Variants in CEP43 observed in about 807,000 individuals in gnomAD.
The protein encoded by CEP43 is centrosomal protein 43.
A neutral mutation model predicts 52.6 loss-of-function variants in CEP43; 36 were observed. The ratio of observed to expected loss-of-function variants is 0.68; its 90% CI spans 0.52 to 0.90. The LOEUF is 0.90. Among genes scored for constraint, CEP43 ranks in the 40% least tolerant of loss-of-function variants. The probability of loss-of-function intolerance (pLI) is 0.00; values close to 1 mark genes in which losing one functional copy is unlikely to be tolerated. For synonymous variants in CEP43, 192 were observed against 172.4 expected, an observed-to-expected ratio of 1.11 and a Z score of -0.89; for missense variants, 506 against 472.8, an observed-to-expected ratio of 1.07 and a Z score of -0.65.
intron 9 of CEP43, among the ~76,000 whole-genome samples, chr6:167,025,892 A>G (rs1468306600): frequency 6.6e-6 from 1 of 152,268 alleles, no homozygotes; most frequent in Non-Finnish European, 1.5e-5. Flanking sequence ...AGTAAGTGAA[A>G]TAGCAGTTGC....
chr6:167,005,621 A>G (rs1035401804), intron 5 of CEP43, among the ~76,000 whole-genome samples: 4 of 152,222 alleles, frequency 2.6e-5, no homozygotes, highest in Admixed American at 6.5e-5. Flanking sequence ...CCCAGAGCGC[A>G]GGTTGTCACT....
At position 166,999,458 on chromosome 6, in the gene CEP43, C is replaced by T. The variant is rs1176491982; in HGVS notation, c.46C>T (p.Leu16=). 5 of 1,484,726 alleles carry T rather than the reference C, an allele frequency of 3.4e-6. No homozygotes were observed. The East Asian group carries it at 1.2e-4, about 35-fold the overall frequency. 92.0% of individuals were successfully genotyped at this position (1,484,726 alleles called of 1,614,324 possible). ...AAVVAEEDTE[L]RDLLVQTLEN... The stretch of plus-strand genomic sequence containing the variant: ...AGTGGTGGCCGAGGAGGACACGGAG[C>T]TGCGGGACCTGCTGGTGCAGACGCT... The change falls in exon 1 of 13, where the codon CTG becomes TTG. Residue 16 remains leucine, a synonymous_variant. Coordinates refer to ENST00000366847, the MANE Select transcript of CEP43 (RefSeq NM_007045.4).
Position 167,042,158 on chromosome 6 carries a change from A to C in CEP43, c.*2180A>C, listed in dbSNP as rs1195548489. The C allele has an allele frequency of 3.0e-6, 3 of 1,008,832 alleles. No individual in the cohort carries two copies. In the African/African-American group the frequency reaches 5.2e-5, roughly 17 times the overall value. 62.5% of individuals were successfully genotyped at this position (1,008,832 alleles called of 1,614,324 possible). A position where few individuals can be genotyped will look rare whatever the true frequency, so the allele number is the denominator to read the frequency against. ...TATTGAATGATTTTGAATGACTTAA[A>C]GTTCAACTATGAAAAAGCTTTCTTT... On this transcript the variant is annotated 3_prime_UTR_variant, in exon 13 of 13. Transcript: ENST00000366847.
intron 7 of CEP43, among the ~76,000 whole-genome samples, chr6:167,021,972 A>G (rs962348332): frequency 6.6e-6 from 1 of 152,172 alleles, no homozygotes; most frequent in Non-Finnish European, 1.5e-5. Flanking sequence ...CTCCTTTAAT[A>G]ATAATGATCT....
Position 167,007,909 on chromosome 6 carries a change from T to TA in CEP43, c.439-2903dup, listed in dbSNP as rs1486652482. 2.0e-5 allele frequency among the ~76,000 whole-genome samples: 3 copies of TA among 152,232 alleles called. No individual in the cohort carries two copies. The East Asian group carries it at 5.8e-4, about 29-fold the overall frequency. On this transcript the variant is annotated intron_variant, in intron 5 of 12. Transcript: ENST00000366847. ...TCAGCACCTCTACCATGTAGGTCCTTATATCTGTCCAGGATCATTTCTTCC... is the reference window on the plus strand; with the variant it reads ...TCAGCACCTCTACCATGTAGGTCCTTAATATCTGTCCAGGATCATTTCTTCC...
chr6:167,012,697 A>G (rs1401492937), intron 6 of CEP43, among the ~76,000 whole-genome samples: 4 of 152,204 alleles, frequency 2.6e-5, no homozygotes, highest in Non-Finnish European at 2.9e-5. Context: ...TATTCTCCCT[A>G]CATACATTTT....
rs1562537075 is a variant in CEP43, at chr6:167,042,632, C to T, written c.*2654C>T. The T allele has an allele frequency of 6.6e-6, 1 of 152,622 alleles. No homozygotes were observed. 9.5% of individuals were successfully genotyped at this position (152,622 alleles called of 1,614,324 possible). Reference sequence around the variant, plus strand: ...CTGTCTCAAGGTGTGATATTTGCCCCTCCTTGTCTGGAATGTCCTTCCCCT... The same window carrying T: ...CTGTCTCAAGGTGTGATATTTGCCCTTCCTTGTCTGGAATGTCCTTCCCCT... On this transcript the variant is annotated 3_prime_UTR_variant, in exon 13 of 13. Transcript: ENST00000366847.
Position 167,043,375 on chromosome 6 carries a change from CTTTTTTTTTTTTT to C in CEP43, c.*3407_*3419del, listed in dbSNP as rs71032898. 1 of 86,358 alleles carries C rather than the reference CTTTTTTTTTTTTT, an allele frequency of 1.2e-5. No homozygotes were observed. Among genetic ancestry groups the C allele is most frequent in the African/African-American group, 4.8e-5 (1 of 20,694 alleles). The allele number at this position is 86,358 out of a possible 1,614,324, so 5.3% of individuals were successfully genotyped here. ...TCCGTGCTCCCAGTGTCCCTGTCCT[CTTTTTTTTTTTTT>C]TTTTTTTTTGAGGTGGAGTTTTGTT... On this transcript the variant is annotated 3_prime_UTR_variant, in exon 13 of 13. Transcript: ENST00000366847.
chr6:167,045,437 A>G lies in CEP43; in HGVS notation c.*5459A>G, dbSNP rs1391426129. On this transcript the variant is annotated 3_prime_UTR_variant, in exon 13 of 13. Transcript: ENST00000366847. ...TGTACCCAGCCCTGTATTTTCTTTA[A>G]AAACCAATTTTGGGCCGGGCACGGT... 6.7e-6 allele frequency: 1 copy of G among 150,348 alleles called. No individual in the cohort carries two copies. The highest frequency in any genetic ancestry group is 2.4e-5 in the African/African-American group (1 of 41,110). 9.3% of individuals were successfully genotyped at this position (150,348 alleles called of 1,614,324 possible).
At chr6:167,001,372 A>C (rs1054486952) in intron 2 of CEP43, among the ~76,000 whole-genome samples, 3 of 152,192 alleles carry the variant, frequency 2.0e-5, no homozygotes, top group Non-Finnish European at 2.9e-5. Flanking sequence ...TATTAGGAGT[A>C]AACTGTTTTC....
intron 8 of CEP43, among the ~76,000 whole-genome samples, chr6:167,023,142 AACAG>A (rs1489444139): frequency 2.0e-5 from 3 of 152,106 alleles, no homozygotes; most frequent in Non-Finnish European, 2.9e-5. Flanking sequence ...GGGGAGAGGA[AACAG>A]ACAGCAGGGA....
chr6:167,001,429 A>G (rs1456546067), intron 2 of CEP43, among the ~76,000 whole-genome samples: 1 of 151,898 alleles, frequency 6.6e-6, no homozygotes, highest in African/African-American at 2.4e-5. Context: ...TTTTTCCTTC[A>G]CAACCTGGTT....
intron 7 of CEP43, among the ~76,000 whole-genome samples, chr6:167,022,030 G>T (rs929719263): frequency 6.6e-6 from 1 of 152,140 alleles, no homozygotes; most frequent in African/African-American, 2.4e-5. Context: ...AACTTATGAA[G>T]CAATGACATA....
chr6:167,042,315 A>G lies in CEP43; in HGVS notation c.*2337A>G, dbSNP rs1021215367. 2 of 991,864 alleles carry G rather than the reference A, an allele frequency of 2.0e-6. No homozygotes were observed. Among genetic ancestry groups the G allele is most frequent in the African/African-American group, 3.5e-5 (2 of 57,768 alleles). The allele number at this position is 991,864 out of a possible 1,614,324, so 61.4% of individuals were successfully genotyped here. A position where few individuals can be genotyped will look rare whatever the true frequency, so the allele number is the denominator to read the frequency against. ...ATATTAACCCATTAAATACATTTTTATGGTAACCTATGTTTTACAGTGGAG... is the reference window on the plus strand; with the variant it reads ...ATATTAACCCATTAAATACATTTTTGTGGTAACCTATGTTTTACAGTGGAG... On this transcript the variant is annotated 3_prime_UTR_variant, in exon 13 of 13. Transcript: ENST00000366847.
intron 12 of CEP43, among the ~76,000 whole-genome samples, chr6:167,038,820 A>C (rs1386646679): frequency 2.6e-5 from 4 of 152,080 alleles, no homozygotes; most frequent in African/African-American, 7.2e-5. Context: ...TTATTTCCAT[A>C]GGTTTTGGGG....
At chr6:167,036,668 A>C in intron 12 of CEP43, 1 of 985,012 alleles carries the variant, frequency 1.0e-6, no homozygotes. Flanking sequence ...TTTCCCTTTC[A>C]AGACTCAAAA....
chr6:166,999,863 C>T (rs918749844), intron 1 of CEP43, 197 bp from the exon 2 acceptor site: 2 of 578,352 alleles, frequency 3.5e-6, no homozygotes, highest in Non-Finnish European at 6.1e-6. Flanking sequence ...TGATCCGCGG[C>T]GGGAAAGCAG....
chr6:167,006,568 G>A (rs1172187593), intron 5 of CEP43, among the ~76,000 whole-genome samples: 4 of 126,422 alleles, frequency 3.2e-5, no homozygotes, highest in African/African-American at 8.4e-5. Context: ...TGCAAATATA[G>A]TAGAAAACTA....
chr6:167,014,503 A>G (rs953503610), intron 7 of CEP43, among the ~76,000 whole-genome samples: 1 of 152,270 alleles, frequency 6.6e-6, no homozygotes, highest in Non-Finnish European at 1.5e-5. Context: ...TTAGGATAAG[A>G]CAAAATATTT....
Sources: gnomAD v4.1 joint callset for allele counts (sites outside exome capture counted in the v4.1 genomes callset) on GRCh38, gnomAD v4.1.1 for gene constraint, MANE v1.5 for transcripts, NCBI Gene and HGNC (gene_info 2026-07-23, HGNC 2026-07-21) for gene names.